KMT2E: variants seen among roughly 807,000 people sequenced by gnomAD.
KMT2E encodes lysine methyltransferase 2E (inactive).
KMT2E carries 30 observed loss-of-function variants against 184.6 expected under a neutral mutation model. The ratio of observed to expected loss-of-function variants is 0.16; its 90% CI spans 0.12 to 0.22. The LOEUF is 0.22. Ranked by LOEUF, KMT2E falls within the 10% of genes least tolerant of loss-of-function variation. The pLI is 1.00. For missense variants in KMT2E, 2,023 were observed against 2,237.4 expected (o/e 0.90, Z 1.93); for synonymous variants, 815 against 776.5 (o/e 1.05, Z -0.82).
rs1186370216 is a variant in KMT2E, at chr7:105,041,021, A to C, written c.69A>C (p.Ser23=). 1 of 1,567,386 alleles carries C rather than the reference A, an allele frequency of 6.4e-7. No individual in the cohort carries two copies. Among genetic ancestry groups the C allele is most frequent in the Non-Finnish European group, 8.7e-7 (1 of 1,144,408 alleles). Residue 23 remains serine (S), a splice_region_variant and synonymous_variant, in exon 3 of 27, where the codon TCA becomes TCC. Coordinates refer to ENST00000311117, the MANE Select transcript of KMT2E (RefSeq NM_182931.3). ...CATACTTGGAAATGGCTGCAGGTTC[A>C]GAGTAAGTATTTAAATTGGTTACAT... is the stretch of plus-strand genomic sequence containing the variant. ...ETSYLEMAAG[S]EPESVEASPV...
rs569059691 is a variant in KMT2E at position 105,090,486 on chromosome 7, T to G, written c.1623+213T>G. On this transcript the variant is annotated intron_variant, in intron 14 of 26. Coordinates refer to ENST00000311117, the MANE Select transcript of KMT2E (RefSeq NM_182931.3). ...AGAAACAGCTCAGCAAGCAAATCCT[T>G]GCAGAATTGCAGACAAGATTTTCCT... 5.3e-5 allele frequency among the ~76,000 whole-genome samples: 8 copies of G among 152,328 alleles called. No homozygotes were observed. The South Asian group carries it at 1.4e-3, about 28-fold the overall frequency.
At chr7:105,073,788 TTGA>T in intron 7 of KMT2E, 111 bp downstream of exon 7, 1 of 655,696 alleles carries the variant, frequency 1.5e-6, no homozygotes, top group Admixed American at 2.6e-5. Context: ...AAATACCTTG[TTGA>T]TGAATGTTGA....
intron 3 of KMT2E, among the ~76,000 whole-genome samples, chr7:105,053,028 TGTACAAAAATACA>T (rs1796410590): frequency 6.6e-6 from 1 of 152,274 alleles, no homozygotes; most frequent in Admixed American, 6.5e-5. Context: ...TGTAGAAAGA[TGTACAAAAATACA>T]GCACCTGACG....
At chr7:105,074,448 C>T (rs1328285301) in intron 7 of KMT2E, among the ~76,000 whole-genome samples, 195 bp from the exon 8 acceptor site, 1 of 152,108 alleles carries the variant, frequency 6.6e-6, no homozygotes, top group African/African-American at 2.4e-5. Context: ...GCTTTTGGAT[C>T]CTTTCTAGTT....
intron 13 of KMT2E, among the ~76,000 whole-genome samples, chr7:105,082,769 C>G (rs959445047): frequency 6.6e-6 from 1 of 152,212 alleles, no homozygotes; most frequent in Non-Finnish European, 1.5e-5. Context: ...TGCCAGTCTT[C>G]CGTCATTTGC....
chr7:105,018,875 A>G (rs139973992), intron 1 of KMT2E, among the ~76,000 whole-genome samples: 6 of 152,270 alleles, frequency 3.9e-5, no homozygotes, highest in Admixed American at 1.3e-4. Context: ...ATTGTTTTCT[A>G]CACTAAACTG....
chr7:105,020,040 G>A (rs967209261), intron 1 of KMT2E, among the ~76,000 whole-genome samples: 1 of 151,420 alleles, frequency 6.6e-6, no homozygotes, highest in African/African-American at 2.4e-5. Flanking sequence ...CCCAGGAGGC[G>A]GAGGTTGCAG....
chr7:105,046,870 A>T (rs980279209), intron 3 of KMT2E, among the ~76,000 whole-genome samples: 2 of 152,242 alleles, frequency 1.3e-5, no homozygotes, highest in East Asian at 3.8e-4. Context: ...GTTGTATTTT[A>T]AAAGTTGATG....
chr7:105,110,171 T>C (rs1349524333), intron 23 of KMT2E, 109 bp from the exon 24 acceptor site: 1 of 858,676 alleles, frequency 1.2e-6, no homozygotes, highest in Non-Finnish European at 1.9e-6. Context: ...CAAAGTATTT[T>C]CCCAGTAGAT....
intron 17 of KMT2E, chr7:105,102,450 T>C (rs937465212): frequency 3.3e-6 from 1 of 302,160 alleles, no homozygotes; most frequent in Non-Finnish European, 6.0e-6. Context: ...TAAATAAGTT[T>C]GTCTACTTTA....
intron 25 of KMT2E, 72 bp downstream of exon 25, chr7:105,110,674 A>C: frequency 6.2e-7 from 1 of 1,604,506 alleles, no homozygotes; most frequent in African/African-American, 1.3e-5. Context: ...CTTTATAAAA[A>C]GTTGGTTTGG....
At position 105,112,879 on chromosome 7, in the gene KMT2E, A is replaced by C. The variant is rs777551723; in HGVS notation, c.5123A>C (p.Gln1708Pro). The change falls in exon 27 of 27, where the codon CAG becomes CCG. Residue 1708 changes from glutamine to proline, a missense_variant. Physicochemically the swap from Gln to Pro is moderately conservative, Grantham distance 76 (BLOSUM62 -1). Around this residue, in one of 8 missense-constraint regions of KMT2E, gnomAD observed 1,108 missense variants for 1,050.9 expected, o/e 1.05. Coordinates refer to ENST00000311117, the MANE Select transcript of KMT2E (RefSeq NM_182931.3). Reference sequence around the variant, plus strand: ...CTCCAAGGTCTACAAGCACAACACCAGCATGTTGTAAATTCAGCACCCCCA... The same window carrying C: ...CTCCAAGGTCTACAAGCACAACACCCGCATGTTGTAAATTCAGCACCCCCA... ...TGLQGLQAQH[Q>P]HVVNSAPPPP... 2.5e-6 allele frequency: 4 copies of C among 1,600,314 alleles called. No individual in the cohort carries two copies. The South Asian group carries it at 4.4e-5, about 18-fold the overall frequency.
In KMT2E at chr7:105,112,162, C is replaced by T. The variant is rs778511911; in HGVS notation, c.4406C>T (p.Pro1469Leu). Reference sequence around the variant, plus strand: ...CAGCATGGTTATCTTTCACCAAAGCCTCCTTCACAGCAGTTAGGATCTCCC... The same window carrying T: ...CAGCATGGTTATCTTTCACCAAAGCTTCCTTCACAGCAGTTAGGATCTCCC... Reference protein sequence around the residue: ...PVQHGYLSPKPPSQQLGSPYR... With the variant: ...PVQHGYLSPKLPSQQLGSPYR... Residue 1469 changes from proline (P) to leucine (L), a missense_variant, in exon 27 of 27, where the codon CCT becomes CTT. Pro to Leu is a moderately conservative substitution (Grantham distance 98). Coordinates refer to ENST00000311117, the MANE Select transcript of KMT2E (RefSeq NM_182931.3). The T allele has an allele frequency of 1.9e-6, 3 of 1,614,176 alleles. No individual in the cohort carries two copies. The highest frequency in any genetic ancestry group is 2.5e-6 in the Non-Finnish European group (3 of 1,180,026).
chr7:105,111,771 C>G, intron 26 of KMT2E, 54 bp from the exon 27 acceptor site: 2 of 1,540,094 alleles, frequency 1.3e-6, no homozygotes, highest in Non-Finnish European at 1.7e-6. Context: ...AAGAATAAAC[C>G]TCAAGGTACA....
At chr7:105,077,807 G>A (rs1584766755) in intron 11 of KMT2E, 2 of 186,212 alleles carry the variant, frequency 1.1e-5, no homozygotes, top group South Asian at 1.1e-4. Flanking sequence ...TCCTCATAAC[G>A]TAATAGCCGG....
At chr7:105,056,333 A>G (rs1796569322) in intron 3 of KMT2E, among the ~76,000 whole-genome samples, 1 of 152,172 alleles carries the variant, frequency 6.6e-6, no homozygotes, top group Admixed American at 6.5e-5. Flanking sequence ...TTTATTGTGA[A>G]GTTTTTCTAA....
At chr7:105,037,316 C>T (rs1339439381) in intron 1 of KMT2E, among the ~76,000 whole-genome samples, 1 of 151,610 alleles carries the variant, frequency 6.6e-6, no homozygotes, top group Non-Finnish European at 1.5e-5. Flanking sequence ...TTCTTTCTGC[C>T]TTTTGGGTAT....
rs193241412 is a variant in KMT2E, at chr7:105,098,200, G to A, written c.1723-3225G>A. On this transcript the variant is annotated intron_variant, in intron 15 of 26. Coordinates refer to ENST00000311117, the MANE Select transcript of KMT2E (RefSeq NM_182931.3). ...TTTCAAGACCAAAGAAGAATAGGGTGATTTTGTAGGTGGGCTCTGGCTTTC... is the reference window on the plus strand; with the variant it reads ...TTTCAAGACCAAAGAAGAATAGGGTAATTTTGTAGGTGGGCTCTGGCTTTC... 2.3e-3 allele frequency among the ~76,000 whole-genome samples: 341 copies of A among 150,842 alleles called. 3 individuals carry two copies. The highest frequency in any genetic ancestry group is 8.0e-3 in the African/African-American group (330 of 41,172).
At chr7:105,039,333 G>A (rs1053404772) in intron 2 of KMT2E, 1 of 152,156 alleles carries the variant, frequency 6.6e-6, no homozygotes, top group African/African-American at 2.4e-5. Context: ...TACCTAAGTA[G>A]ATTATTTTAG....
Sources: gnomAD v4.1 joint callset for allele counts (sites outside exome capture counted in the v4.1 genomes callset) on GRCh38, gnomAD v4.1.1 for gene constraint, gnomAD v4.1.1 regional missense constraint, MANE v1.5 for transcripts, NCBI Gene and HGNC (gene_info 2026-07-23, HGNC 2026-07-21) for gene names.